TMEM131L: variants seen among roughly 807,000 people sequenced by gnomAD.
TMEM131L encodes transmembrane protein 131-like.
A neutral mutation model predicts 192.2 loss-of-function variants in TMEM131L; 54 were observed. The ratio of observed to expected loss-of-function variants is 0.28; its 90% CI spans 0.23 to 0.35. TMEM131L has a LOEUF of 0.35. TMEM131L is among the 10% of genes least tolerant of loss of function. TMEM131L has a pLI of 1.00. For missense variants in TMEM131L, 1,888 were observed against 1,972.9 expected, an observed-to-expected ratio of 0.96 and a Z score of 0.82; for synonymous variants, 701 against 704.9, an observed-to-expected ratio of 0.99 and a Z score of 0.09.
intron 21 of TMEM131L, among the ~76,000 whole-genome samples, 178 bp downstream of exon 21, chr4:153,598,910 C>A (rs980948950): frequency 6.6e-6 from 1 of 152,110 alleles, no homozygotes; most frequent in Non-Finnish European, 1.5e-5. Flanking sequence ...CATATATAGG[C>A]TGGTACCCCT....
chr4:153,489,840 C>T (rs1732641994), intron 3 of TMEM131L, among the ~76,000 whole-genome samples: 1 of 152,036 alleles, frequency 6.6e-6, no homozygotes, highest in South Asian at 2.1e-4. Context: ...TAGGCAAAAC[C>T]ATGAAATCAA....
intron 31 of TMEM131L, among the ~76,000 whole-genome samples, chr4:153,629,317 C>G (rs1734058045): frequency 1.3e-5 from 2 of 152,226 alleles, no homozygotes; most frequent in East Asian, 3.9e-4. Flanking sequence ...GCCCTCTCCA[C>G]CAGCCCACCA....
At chr4:153,572,424 G>A (rs377744169) in intron 7 of TMEM131L, among the ~76,000 whole-genome samples, 3 of 152,038 alleles carry the variant, frequency 2.0e-5, no homozygotes, top group Admixed American at 2.0e-4. Flanking sequence ...TCTGCCTCCC[G>A]GGTTCAAGTG....
intron 3 of TMEM131L, among the ~76,000 whole-genome samples, chr4:153,483,428 G>A (rs182190285): frequency 8.0e-5 from 12 of 149,176 alleles, no homozygotes; most frequent in African/African-American, 2.8e-4. Flanking sequence ...GAGGCTGGGT[G>A]TGGTGGCTCA....
chr4:153,605,513 A>C (rs572274350), intron 25 of TMEM131L, among the ~76,000 whole-genome samples: 7 of 152,214 alleles, frequency 4.6e-5, no homozygotes, highest in Non-Finnish European at 8.8e-5. Flanking sequence ...GACTACGGGC[A>C]CATGCCATCA....
chr4:153,635,638 A>T, intron 34 of TMEM131L, 67 bp downstream of exon 34: 1 of 1,567,770 alleles, frequency 6.4e-7, no homozygotes, highest in Non-Finnish European at 8.7e-7. Context: ...TGCTTCCTTA[A>T]TCCTGGTCTC....
intron 7 of TMEM131L, among the ~76,000 whole-genome samples, chr4:153,576,426 C>T (rs1005299876): frequency 1.3e-5 from 2 of 152,144 alleles, no homozygotes; most frequent in Non-Finnish European, 2.9e-5. Context: ...AAATGCCTCT[C>T]GCTAATAGAA....
chr4:153,510,489 A>G (rs980371348), intron 3 of TMEM131L, among the ~76,000 whole-genome samples: 2 of 152,118 alleles, frequency 1.3e-5, no homozygotes, highest in African/African-American at 4.8e-5. Flanking sequence ...CAGAGTGCCA[A>G]GTAGGGGGAT....
At chr4:153,598,862 T>G (rs1731632671) in intron 21 of TMEM131L, 130 bp downstream of exon 21, 11 of 693,386 alleles carry the variant, frequency 1.6e-5, no homozygotes, top group Non-Finnish European at 2.3e-5. Flanking sequence ...TATAGTAAAT[T>G]CATTGTATTG....
chr4:153,502,147 C>T (rs1296482139), intron 3 of TMEM131L, among the ~76,000 whole-genome samples: 2 of 151,926 alleles, frequency 1.3e-5, no homozygotes, highest in Admixed American at 1.3e-4. Context: ...TTTCACCGTG[C>T]TTCCCGGGCC....
At chr4:153,535,208 G>T (rs1455909047) in intron 3 of TMEM131L, among the ~76,000 whole-genome samples, 6 of 152,192 alleles carry the variant, frequency 3.9e-5, no homozygotes, top group Non-Finnish European at 8.8e-5. Flanking sequence ...AAAGAGAACA[G>T]TTAGGGATGA....
intron 3 of TMEM131L, among the ~76,000 whole-genome samples, chr4:153,537,753 C>T (rs1313760176): frequency 6.6e-6 from 1 of 152,218 alleles, no homozygotes; most frequent in African/African-American, 2.4e-5. Context: ...CCTTAACTGT[C>T]TGGGAATGCA....
rs1733337501 is a variant in TMEM131L, at chr4:153,620,770, T to C, written c.3582T>C (p.Tyr1194=). 4 of 1,533,338 alleles carry C rather than the reference T, an allele frequency of 2.6e-6. No homozygotes were observed. The highest frequency in any genetic ancestry group is 1.4e-5 in the African/African-American group (1 of 71,998). 95.0% of individuals were successfully genotyped at this position (1,533,338 alleles called of 1,614,324 possible). A position where few individuals can be genotyped will look rare whatever the true frequency, so the allele number is the denominator to read the frequency against. The part of the protein sequence containing the change: ...DIPFVEQEDP[Y]RKKKLQEKRE... ...CTCTTCTTTAGCAAGAAGATCCTTA[T>C]AGGAAGAAAAAGCTTCAGGAGAAAA... The change falls in exon 27 of 35, where the codon TAT becomes TAC. Residue 1194 remains tyrosine (Y), a synonymous_variant. Coordinates refer to ENST00000409959, the MANE Select transcript of TMEM131L (RefSeq NM_001131007.2).
intron 3 of TMEM131L, among the ~76,000 whole-genome samples, chr4:153,546,411 G>C (rs1208017918): frequency 1.3e-5 from 2 of 152,090 alleles, no homozygotes; most frequent in East Asian, 3.8e-4. Context: ...AATATGAGAA[G>C]GGTGAAATGT....
intron 26 of TMEM131L, among the ~76,000 whole-genome samples, chr4:153,618,482 A>AAG (rs1204447204): frequency 1.3e-5 from 2 of 150,842 alleles, no homozygotes; most frequent in Admixed American, 6.6e-5. Context: ...TCTCCAAAAA[A>AAG]AAAAAAAAAA....
Position 153,531,619 on chromosome 4 carries a change from C to T in TMEM131L, c.240-18454C>T, listed in dbSNP as rs148505981. Among the ~76,000 whole-genome samples, 658 of 152,180 alleles carry T rather than the reference C, an allele frequency of 4.3e-3. 7 individuals are homozygous for T. The highest frequency in any genetic ancestry group is 0.015 in the African/African-American group (628 of 41,504). Reference sequence around the variant, plus strand: ...ATTATACAGTATTTTATTATATAAACGTGGCATTTTACAGTATAATACGCT... The same window carrying T: ...ATTATACAGTATTTTATTATATAAATGTGGCATTTTACAGTATAATACGCT... On this transcript the variant is annotated intron_variant, in intron 3 of 34. Coordinates refer to ENST00000409959, the MANE Select transcript of TMEM131L (RefSeq NM_001131007.2).
At chr4:153,596,435 G>A (rs746330118) in intron 20 of TMEM131L, 50 bp downstream of exon 20, 1 of 1,600,740 alleles carries the variant, frequency 6.2e-7, no homozygotes, top group Non-Finnish European at 8.5e-7. Context: ...TGACTCATCT[G>A]TGTAAATCTC....
chr4:153,605,355 C>G (rs1732151293), intron 25 of TMEM131L, among the ~76,000 whole-genome samples: 1 of 152,096 alleles, frequency 6.6e-6, no homozygotes, highest in Admixed American at 6.6e-5. Flanking sequence ...ATTTCTGTAC[C>G]TGTTATAGTC....
In TMEM131L at chr4:153,612,327, C is replaced by T; in HGVS notation, c.3494C>T (p.Ser1165Phe). The T allele has an allele frequency of 6.2e-7, 1 of 1,601,240 alleles. No homozygotes were observed. ...TTGAAGAAGGTGGACACAAAGCCTT[C>T]TTCAGAAAAGAAGATTCACAAAACA... ...ENLKKVDTKP[S>F]SEKKIHKTSR... Residue 1165 changes from serine (S) to phenylalanine (F), a missense_variant, in exon 26 of 35, where the codon TCT (serine) becomes TTT (phenylalanine). Coordinates refer to ENST00000409959, the MANE Select transcript of TMEM131L (RefSeq NM_001131007.2).
Sources: gnomAD v4.1 joint callset for allele counts (sites outside exome capture counted in the v4.1 genomes callset) on GRCh38, gnomAD v4.1.1 for gene constraint, MANE v1.5 for transcripts, NCBI Gene and HGNC (gene_info 2026-07-23, HGNC 2026-07-21) for gene names.